Variants in ITPK1 observed in about 807,000 individuals in gnomAD.
ITPK1 encodes inositol-tetrakisphosphate 1-kinase.
In ITPK1, 21 loss-of-function variants were observed where a neutral mutation model predicts 45.3. The observed-to-expected ratio is 0.46, with a 90% CI of 0.33 to 0.67. ITPK1 has a LOEUF of 0.67. Ranked by LOEUF, ITPK1 falls within the 30% of genes least tolerant of loss-of-function variation. ITPK1 has a pLI of 0.02. For synonymous variants in ITPK1, 258 were observed against 253.6 expected (o/e 1.02, Z -0.16); for missense variants, 474 against 573.5 (o/e 0.83, Z 1.77).
At position 92,937,732 on chromosome 14, in the gene ITPK1, T is replaced by C. The variant is rs1887187187; in HGVS notation, c.*3829A>G. ...CAGGCTTATGCCTGGGCGGGGCAGA[T>C]GACTGTGGCATCGGGGTGTGGCCAG... On this transcript the variant is annotated 3_prime_UTR_variant, in exon 11 of 11. Coordinates refer to ENST00000267615, the MANE Select transcript of ITPK1 (RefSeq NM_014216.6). 1 of 152,634 alleles carries C rather than the reference T, an allele frequency of 6.6e-6. No homozygotes were observed. The highest frequency in any genetic ancestry group is 6.5e-5 in the Admixed American group (1 of 15,300). 9.5% of individuals were successfully genotyped at this position (152,634 alleles called of 1,614,324 possible). A position where few individuals can be genotyped will look rare whatever the true frequency, so the allele number is the denominator to read the frequency against.
intron 3 of ITPK1, among the ~76,000 whole-genome samples, chr14:93,065,687 C>G (rs377049431): frequency 6.6e-6 from 1 of 152,158 alleles, no homozygotes; most frequent in African/African-American, 2.4e-5. Flanking sequence ...AGACCATAAC[C>G]CAATGAAACA....
chr14:93,104,325 C>T (rs997908117), intron 2 of ITPK1, among the ~76,000 whole-genome samples: 12 of 152,126 alleles, frequency 7.9e-5, no homozygotes, highest in Non-Finnish European at 1.5e-4. Flanking sequence ...ATCTTCTCCA[C>T]TAAAAATACA....
intron 7 of ITPK1, among the ~76,000 whole-genome samples, chr14:92,959,021 C>T (rs1490448792): frequency 6.6e-6 from 1 of 152,140 alleles, no homozygotes; most frequent in Admixed American, 6.5e-5. Context: ...CACCCAGCCG[C>T]GCCCCTACAC....
intron 3 of ITPK1, among the ~76,000 whole-genome samples, chr14:93,044,091 G>A (rs914854148): frequency 3.3e-5 from 5 of 152,158 alleles, no homozygotes; most frequent in Admixed American, 3.3e-4. Flanking sequence ...AATTCAGGTG[G>A]GAGGGGTTGG....
rs1887184123 is a variant in ITPK1, at chr14:92,937,656, T to G, written c.*3905A>C. On this transcript the variant is annotated 3_prime_UTR_variant, in exon 11 of 11. Transcript: ENST00000267615. ...AGAGAAGGTACACAGCACAGACCCT[T>G]TCTCACAAGGGGAGGACCCATGGGA... The G allele has an allele frequency of 6.6e-6, 1 of 152,494 alleles. No individual in the cohort carries two copies. The highest frequency in any genetic ancestry group is 2.4e-5 in the African/African-American group (1 of 41,474). 9.4% of individuals were successfully genotyped at this position (152,494 alleles called of 1,614,324 possible). A position where few individuals can be genotyped will look rare whatever the true frequency, so the allele number is the denominator to read the frequency against.
chr14:92,991,453 C>A (rs867342333), intron 5 of ITPK1, among the ~76,000 whole-genome samples: 1 of 152,044 alleles, frequency 6.6e-6, no homozygotes, highest in Non-Finnish European at 1.5e-5. Context: ...ACCAAGCATG[C>A]GTTAGGGTTT....
chr14:92,957,201 G>T (rs558561183), intron 8 of ITPK1, among the ~76,000 whole-genome samples: 1 of 152,352 alleles, frequency 6.6e-6, no homozygotes, highest in East Asian at 1.9e-4. Context: ...TGCTCAGCTG[G>T]AGGTAAAACA....
chr14:93,059,497 GGTGGGC>G, intron 3 of ITPK1, among the ~76,000 whole-genome samples: 3 of 91,302 alleles, frequency 3.3e-5, no homozygotes, highest in Non-Finnish European at 6.7e-5. Flanking sequence ...CGGGTCTCAA[GGTGGGC>G]GCAGGTGCTG....
At chr14:93,046,600 G>C (rs147824928) in intron 3 of ITPK1, among the ~76,000 whole-genome samples, 1,662 of 148,442 alleles carry the variant, frequency 0.011, 18 homozygotes, top group South Asian at 0.021. Flanking sequence ...GGGGCGGGGG[G>C]GGGCGGCGGG....
intron 4 of ITPK1, among the ~76,000 whole-genome samples, chr14:93,006,409 TG>T (rs1286564996): frequency 6.6e-6 from 1 of 152,146 alleles, no homozygotes; most frequent in Non-Finnish European, 1.5e-5. Context: ...CATTTCAGAT[TG>T]GGGGAAGGCA....
intron 3 of ITPK1, among the ~76,000 whole-genome samples, chr14:93,046,946 G>A (rs2139922175): frequency 6.6e-6 from 1 of 152,292 alleles, no homozygotes; most frequent in Middle Eastern, 3.4e-3. Context: ...AATCACAAGG[G>A]CCTCCCTGCT....
chr14:92,951,902 G>A (rs1316893855), intron 9 of ITPK1, 44 bp downstream of exon 9: 33 of 1,480,920 alleles, frequency 2.2e-5, no homozygotes, highest in Middle Eastern at 3.4e-4. Flanking sequence ...CTAGGCCCAC[G>A]GGAGGGCAGT....
At chr14:93,051,286 T>C (rs1889995298) in intron 3 of ITPK1, among the ~76,000 whole-genome samples, 2 of 152,098 alleles carry the variant, frequency 1.3e-5, no homozygotes, top group African/African-American at 4.8e-5. Flanking sequence ...TTTCCTGAAA[T>C]GAAATCTAAC....
chr14:93,090,147 C>A (rs983869770), intron 2 of ITPK1, among the ~76,000 whole-genome samples: 1 of 151,926 alleles, frequency 6.6e-6, no homozygotes, highest in Non-Finnish European at 1.5e-5. Flanking sequence ...ACCACTTGGG[C>A]CTCTGCAGCA....
At chr14:92,962,428 T>G (rs765917398) in intron 6 of ITPK1, 33 bp from the exon 7 acceptor site, 2 of 1,505,808 alleles carry the variant, frequency 1.3e-6, no homozygotes, top group South Asian at 2.3e-5. Context: ...CAGAGAGAAA[T>G]TAGTGAGGCC....
chr14:93,012,606 G>A lies in ITPK1; in HGVS notation c.246+4070C>T, dbSNP rs1887969991. Among the ~76,000 whole-genome samples, 1 of 152,204 alleles carries A rather than the reference G, an allele frequency of 6.6e-6. No homozygotes were observed. Among genetic ancestry groups the A allele is most frequent in the East Asian group, 1.9e-4 (1 of 5,188 alleles). On this transcript the variant is annotated intron_variant, in intron 4 of 10. Coordinates refer to ENST00000267615, the MANE Select transcript of ITPK1 (RefSeq NM_014216.6). This position sits in a 1 kb window ranked among gnomAD's most constrained non-coding sequence, Gnocchi z 4.9. ...AACTCATCACTTTAGGGGCCGTGAG[G>A]TCAGTTCTGGGTCTGCCTGCTGGCC...
chr14:93,064,817 G>A (rs1248854848), intron 3 of ITPK1, among the ~76,000 whole-genome samples: 1 of 152,200 alleles, frequency 6.6e-6, no homozygotes, highest in Non-Finnish European at 1.5e-5. Context: ...AGGCAAAGAC[G>A]GGAGCCACTG....
At position 93,105,515 on chromosome 14, in the gene ITPK1, C is replaced by T. The variant is rs1011405848; in HGVS notation, c.95+9554G>A. ...GTACTTCTCCCTTCTCCCCAGTGCCCCTGGAGCTTTTTTTTTTTTTTTTTG... is the reference window on the plus strand; with the variant it reads ...GTACTTCTCCCTTCTCCCCAGTGCCTCTGGAGCTTTTTTTTTTTTTTTTTG... On this transcript the variant is annotated intron_variant, in intron 2 of 10. Coordinates refer to ENST00000267615, the MANE Select transcript of ITPK1 (RefSeq NM_014216.6). Among the ~76,000 whole-genome samples the T allele has an allele frequency of 4.5e-5, 6 of 131,968 alleles. No homozygotes were observed. In the East Asian group the frequency reaches 9.5e-4, roughly 21 times the overall value. The allele number at this position is 131,968 out of a possible 152,430, so 86.6% of individuals were successfully genotyped here.
intron 3 of ITPK1, among the ~76,000 whole-genome samples, chr14:93,054,163 C>G (rs1345245638): frequency 6.6e-6 from 1 of 152,240 alleles, no homozygotes; most frequent in Admixed American, 6.5e-5. Context: ...AGAGTCCCCA[C>G]TTCTAGCAAG....
Sources: gnomAD v4.1 joint callset for allele counts (sites outside exome capture counted in the v4.1 genomes callset) on GRCh38, gnomAD v4.1.1 for gene constraint, Gnocchi (gnomAD v3.1) non-coding constraint, MANE v1.5 for transcripts, NCBI Gene and HGNC (gene_info 2026-07-23, HGNC 2026-07-21) for gene names.